The following SCUBE2 variants were observed in gnomAD, a reference collection of about 807,000 sequenced individuals.
SCUBE2 encodes the protein signal peptide, CUB and EGF-like domain-containing protein 2.
SCUBE2 carries 114 observed loss-of-function variants against 125.9 expected under a neutral mutation model. The ratio of observed to expected loss-of-function variants is 0.91; its 90% CI spans 0.78 to 1.06. The LOEUF is 1.06. SCUBE2 is among the 50% of genes least tolerant of loss of function. The pLI is 0.00. For missense variants in SCUBE2, 1,255 were observed against 1,301.8 expected (o/e 0.96, Z 0.55); for synonymous variants, 459 against 492.9 (o/e 0.93, Z 0.91).
chr11:9,048,207 G>A, intron 14 of SCUBE2, 109 bp from the exon 15 acceptor site: 5 of 1,089,876 alleles, frequency 4.6e-6, no homozygotes, highest in Non-Finnish European at 5.2e-6. Context: ...AAGGGACTAA[G>A]TGATTATCTC....
In SCUBE2 at chr11:9,025,634, A is replaced by G. The variant is rs758774489; in HGVS notation, c.2854+68T>C. The G allele has an allele frequency of 1.9e-6, 3 of 1,563,004 alleles. No homozygotes were observed. The South Asian group carries it at 3.5e-5, about 18-fold the overall frequency. ...CATGTGTGCTTGTCAGCAGTTTGCC[A>G]GCTGGCTCCGAAGTTGGCTCTGTTC... On this transcript the variant is annotated intron_variant, in intron 21 of 22. Coordinates refer to ENST00000649792, the MANE Select transcript of SCUBE2 (RefSeq NM_001367977.2).
intron 22 of SCUBE2, among the ~76,000 whole-genome samples, 171 bp downstream of exon 22, chr11:9,021,705 C>A (rs1196870979): frequency 4.6e-5 from 7 of 152,200 alleles, no homozygotes; most frequent in Non-Finnish European, 1.0e-4. Context: ...CTAAAGACAG[C>A]AACCTGATTT....
intron 11 of SCUBE2, 127 bp downstream of exon 11, chr11:9,053,510 A>C: frequency 9.3e-7 from 1 of 1,072,886 alleles, no homozygotes; most frequent in South Asian, 1.5e-5. Context: ...TTTAAAGAAC[A>C]GTTGCTGCAG....
At chr11:9,046,001 CTTTTT>C (rs58572754) in intron 16 of SCUBE2, among the ~76,000 whole-genome samples, 10 of 92,064 alleles carry the variant, frequency 1.1e-4, no homozygotes, top group Non-Finnish European at 1.7e-4. Flanking sequence ...GTCTTTCTTT[CTTTTT>C]TTTTTTTTTT....
chr11:9,029,553 G>A (rs1856101862), intron 19 of SCUBE2, among the ~76,000 whole-genome samples: 1 of 152,258 alleles, frequency 6.6e-6, no homozygotes, highest in Admixed American at 6.5e-5. Flanking sequence ...TATCAACCAA[G>A]TCCCAGCAGA....
At chr11:9,082,812 G>T (rs1002366732) in intron 2 of SCUBE2, among the ~76,000 whole-genome samples, 3 of 152,200 alleles carry the variant, frequency 2.0e-5, no homozygotes, top group Non-Finnish European at 4.4e-5. Context: ...GTTGCTTGAG[G>T]CTGGGACTGG....
intron 19 of SCUBE2, among the ~76,000 whole-genome samples, chr11:9,027,965 T>C (rs1347044205): frequency 6.6e-6 from 1 of 152,224 alleles, no homozygotes; most frequent in Non-Finnish European, 1.5e-5. Context: ...TCTGACCCTT[T>C]TTCAGAGAAC....
chr11:9,065,855 T>C (rs373524378), intron 7 of SCUBE2, 36 bp downstream of exon 7: 156 of 1,571,518 alleles, frequency 9.9e-5, no homozygotes, highest in Admixed American at 3.0e-4. Flanking sequence ...AAAAGGACAA[T>C]TGCAGTGGCC....
intron 16 of SCUBE2, among the ~76,000 whole-genome samples, chr11:9,045,216 T>C (rs977017525): frequency 6.6e-6 from 1 of 152,150 alleles, no homozygotes; most frequent in Admixed American, 6.5e-5. Flanking sequence ...TTTTTATATG[T>C]GCATAAAAAC....
intron 7 of SCUBE2, among the ~76,000 whole-genome samples, 176 bp downstream of exon 7, chr11:9,065,715 G>A (rs1420528148): frequency 2.0e-5 from 3 of 152,194 alleles, no homozygotes; most frequent in Non-Finnish European, 2.9e-5. Context: ...TTGCTTGGTT[G>A]GTGATTAAGC....
At chr11:9,050,070 A>T (rs1367357516) in intron 14 of SCUBE2, 1 of 152,320 alleles carries the variant, frequency 6.6e-6, no homozygotes, top group East Asian at 1.9e-4. Context: ...CTGGGAAAGA[A>T]AAAGGAATGT....
At chr11:9,084,537 A>AAT (rs1554900418) in intron 2 of SCUBE2, among the ~76,000 whole-genome samples, 23 of 151,574 alleles carry the variant, frequency 1.5e-4, no homozygotes, top group Middle Eastern at 3.4e-3. Context: ...GGGAAAAAAA[A>AAT]ATATATAGTA....
chr11:9,082,250 C>T (rs1257065072), intron 2 of SCUBE2, among the ~76,000 whole-genome samples: 1 of 152,152 alleles, frequency 6.6e-6, no homozygotes, highest in Non-Finnish European at 1.5e-5. Context: ...TTATAAGATA[C>T]ATGATTTGCA....
intron 21 of SCUBE2, among the ~76,000 whole-genome samples, chr11:9,024,875 C>T (rs1855592158): frequency 6.6e-6 from 1 of 152,156 alleles, no homozygotes; most frequent in Non-Finnish European, 1.5e-5. Context: ...GCAGCTATAA[C>T]AATATATATA....
chr11:9,025,402 G>C, intron 21 of SCUBE2: 1 of 256,988 alleles, frequency 3.9e-6, no homozygotes, highest in Non-Finnish European at 7.4e-6. Flanking sequence ...CTTAGAGATG[G>C]TGGCATACAC....
chr11:9,089,760 G>A lies in SCUBE2; in HGVS notation c.203C>T (p.Ser68Phe). The A allele has an allele frequency of 3.1e-6, 5 of 1,614,046 alleles. No individual in the cohort carries two copies. Among genetic ancestry groups the A allele is most frequent in the Non-Finnish European group, 4.2e-6 (5 of 1,179,970 alleles). ...GCCAGGCTTGCAGGAGCACTTGTAG[G>A]AGGTGGGTGTGTTCTGACACAGGGC... ...ADALCQNTPT[S>F]YKCSCKPGYQ... is the part of the protein sequence containing the mutation. The change falls in exon 2 of 23, where the codon TCC (serine) becomes TTC (phenylalanine). Residue 68 changes from serine (S) to phenylalanine (F), a missense_variant. By Grantham distance (155) the Ser-to-Phe change is radical. Transcript: ENST00000649792.
At chr11:9,076,410 C>G (rs1861217751) in intron 3 of SCUBE2, among the ~76,000 whole-genome samples, 1 of 152,038 alleles carries the variant, frequency 6.6e-6, no homozygotes, top group Admixed American at 6.6e-5. Context: ...CCTCAAAATC[C>G]TTTACTCATC....
At chr11:9,034,996 C>T (rs1180510220) in intron 16 of SCUBE2, among the ~76,000 whole-genome samples, 1 of 150,040 alleles carries the variant, frequency 6.7e-6, no homozygotes, top group Non-Finnish European at 1.5e-5. Flanking sequence ...GGCTCTGTCT[C>T]AAAGAAAAAA....
intron 19 of SCUBE2, 97 bp downstream of exon 19, chr11:9,029,787 G>T: frequency 7.5e-7 from 1 of 1,338,946 alleles, no homozygotes; most frequent in Non-Finnish European, 1.1e-6. Flanking sequence ...GGTTCTGAGT[G>T]AACCTGGGAC....
Sources: gnomAD v4.1 joint callset for allele counts (sites outside exome capture counted in the v4.1 genomes callset) on GRCh38, gnomAD v4.1.1 for gene constraint, MANE v1.5 for transcripts, NCBI Gene and HGNC (gene_info 2026-07-23, HGNC 2026-07-21) for gene names.